The following PSMD1 variants were observed in gnomAD, a reference collection of about 807,000 sequenced individuals.
The protein encoded by PSMD1 is 26S proteasome non-ATPase regulatory subunit 1.
A neutral mutation model predicts 119.0 loss-of-function variants in PSMD1; 18 were observed. That is an observed-to-expected ratio of 0.15 (90% CI 0.10 to 0.22). The LOEUF is 0.22. PSMD1 is among the 10% of genes least tolerant of loss of function. PSMD1 has a pLI of 1.00. For synonymous variants in PSMD1, 374 were observed against 396.6 expected, an observed-to-expected ratio of 0.94 and a Z score of 0.68; for missense variants, 702 against 1,158.5, an observed-to-expected ratio of 0.61 and a Z score of 5.72.
chr2:231,068,248 A>C (rs1458672501), intron 5 of PSMD1, among the ~76,000 whole-genome samples: 1 of 152,214 alleles, frequency 6.6e-6, no homozygotes, highest in Non-Finnish European at 1.5e-5. Flanking sequence ...AACCTAACAC[A>C]GTGTTTAGCG....
At chr2:231,085,223 T>G in intron 15 of PSMD1, 109 bp downstream of exon 15, 2 of 878,238 alleles carry the variant, frequency 2.3e-6, no homozygotes, top group Non-Finnish European at 3.8e-6. Flanking sequence ...CCACCAGTGG[T>G]CTTAGGTTGT....
At chr2:231,166,336 G>A (rs191301560) in intron 23 of PSMD1, among the ~76,000 whole-genome samples, 2 of 152,100 alleles carry the variant, frequency 1.3e-5, no homozygotes, top group African/African-American at 4.8e-5. Context: ...ATACTGCTCA[G>A]GCTAAGTGAC....
chr2:231,110,302 A>T (rs1695114477), intron 16 of PSMD1, among the ~76,000 whole-genome samples: 1 of 152,184 alleles, frequency 6.6e-6, no homozygotes, highest in African/African-American at 2.4e-5. Context: ...GCTCAGCGAC[A>T]AAGTAAGACT....
intron 16 of PSMD1, among the ~76,000 whole-genome samples, chr2:231,091,946 C>T (rs1032527718): frequency 2.6e-5 from 4 of 152,174 alleles, no homozygotes; most frequent in Non-Finnish European, 5.9e-5. Flanking sequence ...TATTCTAAGG[C>T]AGCCTCAGGG....
chr2:231,057,911 T>G (rs771433604), intron 1 of PSMD1, among the ~76,000 whole-genome samples: 1 of 152,254 alleles, frequency 6.6e-6, no homozygotes, highest in African/African-American at 2.4e-5. Flanking sequence ...TTTCTCATTT[T>G]CTTACTCTGT....
rs780089178 is a variant in PSMD1, at chr2:231,172,673, T to C, written c.*148T>C. ...CTGAAGAACCCTGTCTCCAAGTCTT[T>C]GGTTGAAGAGAAGATATATGACTGT... On this transcript the variant is annotated 3_prime_UTR_variant, in exon 25 of 25. Coordinates refer to ENST00000308696, the MANE Select transcript of PSMD1 (RefSeq NM_002807.4). The C allele has an allele frequency of 3.3e-5, 5 of 152,210 alleles. No individual in the cohort carries two copies. Among genetic ancestry groups the C allele is most frequent in the African/African-American group, 4.8e-5 (2 of 41,456 alleles). 9.4% of individuals were successfully genotyped at this position (152,210 alleles called of 1,614,324 possible).
chr2:231,115,583 C>CT (rs374837366), intron 16 of PSMD1, among the ~76,000 whole-genome samples: 90 of 151,966 alleles, frequency 5.9e-4, no homozygotes, highest in African/African-American at 2.0e-3. Context: ...ACTTTGCCTG[C>CT]TTGTTGAATT....
At position 231,165,301 on chromosome 2, in the gene PSMD1, G is replaced by T. The variant is rs1252830481; in HGVS notation, c.2568+15G>T. ...AAATGGAAGTGGTAGGTATAAATTG[G>T]TGGTCATATGGATTGAAGTATCTCT... On this transcript the variant is annotated intron_variant, in intron 22 of 24. Coordinates refer to ENST00000308696, the MANE Select transcript of PSMD1 (RefSeq NM_002807.4). 6.3e-7 allele frequency: 1 copy of T among 1,579,494 alleles called. No homozygotes were observed. Among genetic ancestry groups the T allele is most frequent in the Non-Finnish European group, 8.6e-7 (1 of 1,158,624 alleles).
intron 7 of PSMD1, 72 bp from the exon 8 acceptor site, chr2:231,075,439 C>A: frequency 7.6e-7 from 1 of 1,307,248 alleles, no homozygotes; most frequent in South Asian, 1.4e-5. Flanking sequence ...TCAATTTGGA[C>A]ATGGTTCAGA....
At chr2:231,109,459 TC>T in intron 16 of PSMD1, 1 of 1,465,362 alleles carries the variant, frequency 6.8e-7, no homozygotes, top group Non-Finnish European at 9.6e-7. Flanking sequence ...GACCTGTAAC[TC>T]TTCGATTAGA....
At chr2:231,058,022 G>A (rs1693652739) in intron 1 of PSMD1, among the ~76,000 whole-genome samples, 1 of 152,198 alleles carries the variant, frequency 6.6e-6, no homozygotes, top group African/African-American at 2.4e-5. Flanking sequence ...TATGAGGATT[G>A]GTTAAGGAGA....
At chr2:231,122,525 C>T (rs532659182) in intron 16 of PSMD1, among the ~76,000 whole-genome samples, 2 of 152,200 alleles carry the variant, frequency 1.3e-5, no homozygotes, top group East Asian at 3.9e-4. Flanking sequence ...TCAGTTTATA[C>T]CAAGCATTGA....
chr2:231,147,941 G>A (rs868372847), intron 18 of PSMD1, among the ~76,000 whole-genome samples: 2 of 152,124 alleles, frequency 1.3e-5, no homozygotes, highest in Non-Finnish European at 2.9e-5. Flanking sequence ...GTTTAAAAAA[G>A]TTCAAGTTCT....
chr2:231,104,345 T>C (rs1694932435), intron 16 of PSMD1, among the ~76,000 whole-genome samples: 1 of 152,170 alleles, frequency 6.6e-6, no homozygotes, highest in Non-Finnish European at 1.5e-5. Context: ...GCTTAGGTTT[T>C]GCTGAGTTTT....
chr2:231,157,523 C>T (rs975872060), intron 19 of PSMD1, among the ~76,000 whole-genome samples: 4 of 145,086 alleles, frequency 2.8e-5, no homozygotes, highest in Admixed American at 7.0e-5. Flanking sequence ...GTGCTTCTTT[C>T]TGTTTCTCTT....
At chr2:231,158,712 T>TTA (rs1289261218) in intron 19 of PSMD1, among the ~76,000 whole-genome samples, 1 of 152,186 alleles carries the variant, frequency 6.6e-6, no homozygotes, top group East Asian at 1.9e-4. Flanking sequence ...AGCACCCAGG[T>TTA]TTATAGCTAT....
intron 4 of PSMD1, among the ~76,000 whole-genome samples, chr2:231,063,101 G>A (rs1693801112): frequency 2.6e-5 from 4 of 152,154 alleles, no homozygotes; most frequent in Admixed American, 1.3e-4. Context: ...TGGATTTTGA[G>A]ATGATAAAGA....
chr2:231,142,343 G>A (rs917302488), intron 17 of PSMD1, among the ~76,000 whole-genome samples: 7 of 152,026 alleles, frequency 4.6e-5, no homozygotes, highest in African/African-American at 1.7e-4. Context: ...CATCTGTTCT[G>A]TAAACAAAGG....
Position 231,108,835 on chromosome 2 carries a change from A to C in PSMD1, c.1883+21654A>C, listed in dbSNP as rs778520272. ...TATTGAAGAGGGTGTAGACCAAAGG[A>C]TTCACTCCTGAGGAAACATAGCCTA... is the stretch of plus-strand genomic sequence containing the variant. On this transcript the variant is annotated intron_variant, in intron 16 of 24. Transcript: ENST00000308696. The C allele has an allele frequency of 1.9e-6, 3 of 1,614,114 alleles. No individual in the cohort carries two copies. The Admixed American group carries it at 5.0e-5, about 27-fold the overall frequency.
Sources: allele counts gnomAD v4.1 joint callset (sites outside exome capture counted in the v4.1 genomes callset), GRCh38; gene constraint gnomAD v4.1.1; transcripts MANE v1.5; gene names NCBI Gene and HGNC (gene_info 2026-07-23, HGNC 2026-07-21).